The following BMAL2 variants were observed in gnomAD, a reference collection of about 807,000 sequenced individuals.
BMAL2 encodes basic helix-loop-helix ARNT like 2.
the BMAL2 span, among the ~76,000 whole-genome samples, chr12:27,399,843 T>C: frequency 2.0e-5 from 3 of 152,224 alleles, no homozygotes; most frequent in Non-Finnish European, 4.4e-5. Context: ...ATTGGATTTA[T>C]TTTTTGCTTA....
chr12:27,386,908 G>T, the BMAL2 span, among the ~76,000 whole-genome samples: 1 of 152,112 alleles, frequency 6.6e-6, no homozygotes, highest in South Asian at 2.1e-4. Context: ...TGGGATATAG[G>T]CTCATTTAGT....
the BMAL2 span, among the ~76,000 whole-genome samples, chr12:27,396,885 A>G: frequency 8.2e-5 from 12 of 145,620 alleles, no homozygotes; most frequent in Non-Finnish European, 1.8e-4. Flanking sequence ...AGGTTACTGC[A>G]GAATATAAAC....
the BMAL2 span, among the ~76,000 whole-genome samples, chr12:27,406,325 G>A: frequency 1.3e-5 from 2 of 152,306 alleles, no homozygotes; most frequent in East Asian, 3.9e-4. Flanking sequence ...AGGAAAAAAT[G>A]TTAAGGGCAG....
chr12:27,374,739 C>T, the BMAL2 span, among the ~76,000 whole-genome samples: 5 of 152,152 alleles, frequency 3.3e-5, no homozygotes, highest in South Asian at 2.1e-4. Flanking sequence ...TGGTGGAAGG[C>T]GCACCAGCCT....
chr12:27,362,575 C>T, the BMAL2 span, among the ~76,000 whole-genome samples: 1 of 152,138 alleles, frequency 6.6e-6, no homozygotes, highest in African/African-American at 2.4e-5. Flanking sequence ...ACCCCCCTTT[C>T]TTTTCCCGAA....
the BMAL2 span, chr12:27,401,126 A>G: frequency 1.4e-6 from 1 of 720,352 alleles, no homozygotes; most frequent in Non-Finnish European, 2.4e-6. Context: ...AGGGGAGCCC[A>G]GTGATATGCA....
chr12:27,415,776 T>C, the BMAL2 span: 106 of 843,284 alleles, frequency 1.3e-4, no homozygotes, highest in Admixed American at 2.3e-4. Flanking sequence ...TTCCTCACTG[T>C]ATTTTTATTA....
the BMAL2 span, among the ~76,000 whole-genome samples, chr12:27,347,237 G>A: frequency 6.6e-6 from 1 of 152,088 alleles, no homozygotes; most frequent in Admixed American, 6.5e-5. Flanking sequence ...GTCACACAGG[G>A]AAGTGATATG....
chr12:27,360,803 C>CAAAAAAAAAAAGAAAAAA, the BMAL2 span, among the ~76,000 whole-genome samples: 2 of 46,788 alleles, frequency 4.3e-5, 1 homozygote, highest in Non-Finnish European at 7.6e-5. Context: ...GTGATTTGTC[C>CAAAAAAAAAAAGAAAAAA]AAAAAAAAAA....
chr12:27,365,069 C>A, the BMAL2 span, among the ~76,000 whole-genome samples: 27 of 152,046 alleles, frequency 1.8e-4, no homozygotes, highest in South Asian at 1.5e-3. Context: ...TATCATTTCC[C>A]AATAAGAGCA....
the BMAL2 span, among the ~76,000 whole-genome samples, chr12:27,346,704 G>T: frequency 2.0e-5 from 3 of 152,324 alleles, no homozygotes; most frequent in African/African-American, 7.2e-5. Flanking sequence ...TGATGTCACA[G>T]TTTTTGAAGA....
chr12:27,370,082 C>T, the BMAL2 span: 3 of 1,419,916 alleles, frequency 2.1e-6, no homozygotes, highest in South Asian at 2.3e-5. Flanking sequence ...GCTGTCCATT[C>T]CCAGAACATC....
chr12:27,414,557 T>TG, the BMAL2 span, among the ~76,000 whole-genome samples: 8,261 of 151,990 alleles, frequency 0.054, 300 homozygotes, highest in Non-Finnish European at 0.084. Flanking sequence ...GAACAACCAG[T>TG]GGGTCAAAGA....
the BMAL2 span, among the ~76,000 whole-genome samples, chr12:27,371,828 C>G: frequency 1.3e-5 from 2 of 152,204 alleles, no homozygotes; most frequent in African/African-American, 4.8e-5. Context: ...ACCATCACCT[C>G]TATTTCTAAA....
the BMAL2 span, chr12:27,424,743 C>T: frequency 6.6e-6 from 1 of 152,178 alleles, no homozygotes; most frequent in Non-Finnish European, 1.5e-5. Flanking sequence ...ATGTTACGGG[C>T]AGACAGGCCG....
the BMAL2 span, chr12:27,387,119 A>C: frequency 1.7e-5 from 12 of 721,838 alleles, no homozygotes; most frequent in Admixed American, 1.0e-4. Flanking sequence ...CTACTCTGTT[A>C]GTTTTATTGC....
At chr12:27,420,299 C>G in the BMAL2 span, 3 of 1,515,976 alleles carry the variant, frequency 2.0e-6, no homozygotes, top group Middle Eastern at 1.8e-4. Flanking sequence ...CTTGCTTTGC[C>G]ATTTTTTATC....
the BMAL2 span, chr12:27,422,762 G>C: frequency 6.6e-6 from 1 of 152,370 alleles, no homozygotes; most frequent in South Asian, 2.1e-4. Context: ...CTTTTTAGGG[G>C]ACTGAACCAT....
chr12:27,421,983 T>A, the BMAL2 span: 1 of 152,202 alleles, frequency 6.6e-6, no homozygotes, highest in Non-Finnish European at 1.5e-5. Context: ...CAAGTACATG[T>A]TTAAAATTAT....
Sources: allele counts gnomAD v4.1 joint callset (sites outside exome capture counted in the v4.1 genomes callset), GRCh38; gene constraint gnomAD v4.1.1; transcripts MANE v1.5; gene names NCBI Gene and HGNC (gene_info 2026-07-23, HGNC 2026-07-21).